ABTB3: variants seen among roughly 807,000 people sequenced by gnomAD.
ABTB3 encodes the protein ankyrin repeat and BTB domain containing 3.
the ABTB3 span, among the ~76,000 whole-genome samples, chr12:107,542,973 A>G: frequency 1.3e-5 from 2 of 152,148 alleles, no homozygotes; most frequent in South Asian, 4.1e-4. Context: ...TCCATGTATA[A>G]GTGGATCCAA....
At chr12:107,508,277 G>A in the ABTB3 span, among the ~76,000 whole-genome samples, 5 of 151,586 alleles carry the variant, frequency 3.3e-5, no homozygotes, top group Non-Finnish European at 5.9e-5. Context: ...ACATATGGAC[G>A]GAAGTTTGGA....
At chr12:107,427,840 A>G in the ABTB3 span, among the ~76,000 whole-genome samples, 1 of 152,228 alleles carries the variant, frequency 6.6e-6, no homozygotes, top group African/African-American at 2.4e-5. Flanking sequence ...TGCCACATGC[A>G]TCTGTGACAG....
At chr12:107,337,926 C>G in the ABTB3 span, among the ~76,000 whole-genome samples, 2 of 152,312 alleles carry the variant, frequency 1.3e-5, no homozygotes, top group East Asian at 3.9e-4. Context: ...TTGCTGTTCT[C>G]TCTCCATCTC....
the ABTB3 span, among the ~76,000 whole-genome samples, chr12:107,495,203 G>A: frequency 6.6e-6 from 1 of 152,314 alleles, no homozygotes; most frequent in South Asian, 2.1e-4. Context: ...CTTGCAGCTG[G>A]AGTCGTTACA....
chr12:107,528,940 A>T, the ABTB3 span, among the ~76,000 whole-genome samples: 1 of 150,068 alleles, frequency 6.7e-6, no homozygotes, highest in African/African-American at 2.5e-5. Context: ...GATGATGGAG[A>T]TGATGATGGT....
the ABTB3 span, among the ~76,000 whole-genome samples, chr12:107,496,248 C>T: frequency 6.6e-6 from 1 of 152,308 alleles, no homozygotes; most frequent in South Asian, 2.1e-4. Context: ...CCAGGTACAC[C>T]CTGTCTCCCA....
At chr12:107,653,529 AG>A in the ABTB3 span, among the ~76,000 whole-genome samples, 13,959 of 142,514 alleles carry the variant, frequency 0.098, 708 homozygotes, top group African/African-American at 0.14. Flanking sequence ...AAAAAAAAAA[AG>A]AAAGAAAGAA....
the ABTB3 span, among the ~76,000 whole-genome samples, chr12:107,352,414 A>C: frequency 1.3e-5 from 2 of 152,196 alleles, no homozygotes; most frequent in African/African-American, 4.8e-5. Context: ...AAGAGGATGC[A>C]GAAATAAACA....
the ABTB3 span, among the ~76,000 whole-genome samples, chr12:107,469,859 TTC>T: frequency 2.1e-5 from 3 of 145,518 alleles, no homozygotes; most frequent in African/African-American, 5.4e-5. Flanking sequence ...TTCTCTTTCT[TTC>T]TTTCTTTTCT....
the ABTB3 span, among the ~76,000 whole-genome samples, chr12:107,584,277 C>T: frequency 4.3e-4 from 65 of 152,306 alleles, no homozygotes; most frequent in Non-Finnish European, 5.1e-4. Flanking sequence ...ACTTACAGTC[C>T]GTGTGGTGTG....
At chr12:107,505,646 G>C in the ABTB3 span, among the ~76,000 whole-genome samples, 1 of 151,860 alleles carries the variant, frequency 6.6e-6, no homozygotes, top group African/African-American at 2.4e-5. Flanking sequence ...ATTAAGCCTA[G>C]TATTCATTAG....
the ABTB3 span, among the ~76,000 whole-genome samples, chr12:107,591,554 C>T: frequency 2.0e-5 from 3 of 152,172 alleles, no homozygotes; most frequent in East Asian, 5.8e-4. Context: ...ATCCAATCAC[C>T]TCTCACCAGG....
the ABTB3 span, among the ~76,000 whole-genome samples, chr12:107,598,316 C>A: frequency 6.6e-6 from 1 of 152,244 alleles, no homozygotes; most frequent in Non-Finnish European, 1.5e-5. Flanking sequence ...ACACAGTTGG[C>A]TTTCACAAGC....
chr12:107,384,976 T>A, the ABTB3 span, among the ~76,000 whole-genome samples: 1 of 152,214 alleles, frequency 6.6e-6, no homozygotes, highest in Admixed American at 6.5e-5. Flanking sequence ...GTCATGTAGC[T>A]TTTTCTTCGC....
chr12:107,433,293 T>C, the ABTB3 span, among the ~76,000 whole-genome samples: 2 of 79,380 alleles, frequency 2.5e-5, no homozygotes, highest in African/African-American at 1.2e-4. Flanking sequence ...CGAGACTCCG[T>C]CTCAAAAAAA....
chr12:107,406,621 C>G, the ABTB3 span, among the ~76,000 whole-genome samples: 1 of 152,202 alleles, frequency 6.6e-6, no homozygotes, highest in Non-Finnish European at 1.5e-5. Context: ...TCTTCATTTA[C>G]TCTTTCAGTC....
chr12:107,580,982 C>T, the ABTB3 span: 6 of 1,551,870 alleles, frequency 3.9e-6, no homozygotes, highest in South Asian at 1.2e-5. Context: ...TCTCCAAAGG[C>T]TCTCCCACTA....
the ABTB3 span, among the ~76,000 whole-genome samples, chr12:107,538,605 C>T: frequency 6.6e-6 from 1 of 152,214 alleles, no homozygotes; most frequent in South Asian, 2.1e-4. Context: ...CACCAGCTTC[C>T]TTCCAGGCCT....
At chr12:107,621,802 A>G in the ABTB3 span, among the ~76,000 whole-genome samples, 889 of 152,286 alleles carry the variant, frequency 5.8e-3, 7 homozygotes, top group African/African-American at 0.02. Flanking sequence ...TGGAGCCACA[A>G]TGTTTGACTT....
Sources: gnomAD v4.1 joint callset for allele counts (sites outside exome capture counted in the v4.1 genomes callset) on GRCh38, gnomAD v4.1.1 for gene constraint, MANE v1.5 for transcripts, NCBI Gene and HGNC (gene_info 2026-07-23, HGNC 2026-07-21) for gene names.